TMPRSS7: variants seen among roughly 807,000 people sequenced by gnomAD.
TMPRSS7 encodes the protein transmembrane serine protease 7, also known as transmembrane protease serine 7.
In TMPRSS7, 81 loss-of-function variants were observed where a neutral mutation model predicts 95.6. The ratio of observed to expected loss-of-function variants is 0.85; its 90% CI spans 0.71 to 1.02. TMPRSS7 has a LOEUF of 1.02. TMPRSS7 is among the 50% of genes least tolerant of loss of function. The probability of loss-of-function intolerance (pLI) is 0.00; values close to 1 mark genes in which losing one functional copy is unlikely to be tolerated. For missense variants in TMPRSS7, 945 were observed against 955.2 expected, an observed-to-expected ratio of 0.99 and a Z score of 0.14; for synonymous variants, 364 against 337.8, an observed-to-expected ratio of 1.08 and a Z score of -0.85.
intron 13 of TMPRSS7, among the ~76,000 whole-genome samples, chr3:112,073,425 A>C (rs1438959678): frequency 2.0e-5 from 3 of 151,892 alleles, no homozygotes; most frequent in Non-Finnish European, 4.4e-5. Context: ...TTTAATGATC[A>C]CCATTCTAAC....
chr3:112,047,420 T>A (rs949979996), intron 6 of TMPRSS7: 1 of 567,618 alleles, frequency 1.8e-6, no homozygotes, highest in African/African-American at 1.8e-5. Flanking sequence ...GTCCTGGGGC[T>A]GACTCTCATT....
chr3:112,068,959 T>G (rs1270905998), intron 13 of TMPRSS7, among the ~76,000 whole-genome samples: 4 of 152,214 alleles, frequency 2.6e-5, no homozygotes, highest in African/African-American at 9.6e-5. Flanking sequence ...GGCTGTGGGT[T>G]TGTCATAAAT....
At chr3:112,063,338 C>T (rs1234292789) in intron 11 of TMPRSS7, among the ~76,000 whole-genome samples, 187 bp from the exon 12 acceptor site, 1 of 152,166 alleles carries the variant, frequency 6.6e-6, no homozygotes, top group Admixed American at 6.5e-5. Flanking sequence ...TTCTTCTTTG[C>T]TCTTCTGTGT....
intron 2 of TMPRSS7, among the ~76,000 whole-genome samples, chr3:112,038,867 G>A (rs941439376): frequency 5.3e-5 from 8 of 151,944 alleles, no homozygotes; most frequent in Non-Finnish European, 1.0e-4. Flanking sequence ...TCTCCCCATA[G>A]GAGAGCAAGA....
chr3:112,039,975 T>C (rs980052051), intron 2 of TMPRSS7, among the ~76,000 whole-genome samples: 1 of 152,136 alleles, frequency 6.6e-6, no homozygotes, highest in African/African-American at 2.4e-5. Context: ...AGAATTGAAT[T>C]GAATCATTGG....
At chr3:112,054,029 G>GT (rs1286657298) in intron 9 of TMPRSS7, among the ~76,000 whole-genome samples, 1 of 152,184 alleles carries the variant, frequency 6.6e-6, no homozygotes, top group Non-Finnish European at 1.5e-5. Flanking sequence ...TACGGGCCAT[G>GT]TAAGTCACCT....
At chr3:112,056,188 A>G (rs1479118929) in intron 9 of TMPRSS7, among the ~76,000 whole-genome samples, 1 of 152,236 alleles carries the variant, frequency 6.6e-6, no homozygotes. Flanking sequence ...CGAGTTTCAT[A>G]TTATAGATAT....
chr3:112,052,248 T>C (rs2073373855), intron 9 of TMPRSS7, among the ~76,000 whole-genome samples: 1 of 152,000 alleles, frequency 6.6e-6, no homozygotes, highest in Admixed American at 6.6e-5. Flanking sequence ...AAGGGGACAT[T>C]TGCGGATAAA....
intron 9 of TMPRSS7, among the ~76,000 whole-genome samples, chr3:112,051,586 T>A (rs1309178414): frequency 6.7e-6 from 1 of 149,934 alleles, no homozygotes; most frequent in East Asian, 1.9e-4. Context: ...TATCTATATC[T>A]ATCTCTATTA....
At chr3:112,076,891 A>T in exon 16 of TMPRSS7, 1 of 1,614,108 alleles carries the variant, frequency 6.2e-7, no homozygotes, top group Non-Finnish European at 8.5e-7. Flanking sequence ...CAGATCCCAC[A>T]CCATGGACTG....
At chr3:112,074,456 A>T (rs1282231677) in intron 14 of TMPRSS7, 44 bp downstream of exon 14, 1 of 1,429,870 alleles carries the variant, frequency 7.0e-7, no homozygotes, top group East Asian at 2.3e-5. Context: ...TTCCCTCTTC[A>T]GTTTACCTGT....
At position 112,040,872 on chromosome 3, in the gene TMPRSS7, A is replaced by G. The variant is rs144542449; in HGVS notation, c.299-1048A>G. On this transcript the variant is annotated intron_variant, in intron 2 of 17. Coordinates refer to ENST00000452346, the Ensembl canonical transcript of TMPRSS7. ...CCTTGAAAAAGGAGGTAGACAGAGA[A>G]ACAGGTAAACAGGGAGACTACGGAG... 4.5e-3 allele frequency among the ~76,000 whole-genome samples: 683 copies of G among 152,314 alleles called. 8 individuals are homozygous for G. The highest frequency in any genetic ancestry group is 0.02 in the South Asian group (95 of 4,822).
intron 10 of TMPRSS7, among the ~76,000 whole-genome samples, chr3:112,058,474 C>T (rs2073459826): frequency 6.6e-6 from 1 of 152,156 alleles, no homozygotes; most frequent in Admixed American, 6.5e-5. Context: ...ATAAGTTTTT[C>T]TTGTTTGTTT....
chr3:112,043,127 T>C (rs2073231841), intron 3 of TMPRSS7: 6 of 455,832 alleles, frequency 1.3e-5, no homozygotes, highest in Non-Finnish European at 2.6e-5. Context: ...ACAATGGAGA[T>C]ACTGTTGTAC....
exon 7 of TMPRSS7, chr3:112,047,941 G>A: frequency 6.2e-7 from 1 of 1,614,010 alleles, no homozygotes; most frequent in East Asian, 2.2e-5. Flanking sequence ...ACTCCCTTTT[G>A]CCCATCCGGA....
At chr3:112,046,601 A>G (rs2073282318) in intron 5 of TMPRSS7, among the ~76,000 whole-genome samples, 1 of 152,246 alleles carries the variant, frequency 6.6e-6, no homozygotes, top group Non-Finnish European at 1.5e-5. Flanking sequence ...GAAAAATCTC[A>G]TAGAAAATTC....
intron 16 of TMPRSS7, among the ~76,000 whole-genome samples, chr3:112,077,447 G>C (rs767054427): frequency 8.5e-5 from 13 of 152,166 alleles, no homozygotes; most frequent in Non-Finnish European, 7.4e-5. Flanking sequence ...TTATTCACTA[G>C]AGAAGGAGCA....
At chr3:112,061,835 C>G (rs542321006) in exon 11 of TMPRSS7, 3 of 1,612,756 alleles carry the variant, frequency 1.9e-6, no homozygotes, top group East Asian at 4.5e-5. Flanking sequence ...GAGTGCCCAG[C>G]CCTCTGGTTC....
intron 12 of TMPRSS7, 92 bp from the exon 13 acceptor site, chr3:112,066,300 G>A: frequency 9.3e-7 from 1 of 1,074,190 alleles, no homozygotes; most frequent in Non-Finnish European, 1.4e-6. Flanking sequence ...TCATCCTAAT[G>A]ATTTGTACCT....
Sources: allele counts gnomAD v4.1 joint callset (sites outside exome capture counted in the v4.1 genomes callset), GRCh38; gene constraint gnomAD v4.1.1; transcripts MANE v1.5; gene names NCBI Gene and HGNC (gene_info 2026-07-23, HGNC 2026-07-21).